Variants in FAM20A observed in about 807,000 individuals in gnomAD.
FAM20A encodes the protein pseudokinase FAM20A.
FAM20A carries 42 observed loss-of-function variants against 52.0 expected under a neutral mutation model. The observed-to-expected ratio is 0.81, with a 90% CI of 0.63 to 1.04. The LOEUF is 1.04. Ranked by LOEUF, FAM20A falls within the 50% of genes least tolerant of loss-of-function variation. The pLI, the probability that FAM20A is intolerant of heterozygous loss-of-function variation, is 0.00. For missense variants in FAM20A, 742 were observed against 712.7 expected (o/e 1.04, Z -0.47); for synonymous variants, 304 against 298.9 (o/e 1.02, Z -0.18).
intron 1 of FAM20A, among the ~76,000 whole-genome samples, chr17:68,580,999 T>C (rs567276218): frequency 6.6e-6 from 1 of 152,216 alleles, no homozygotes; most frequent in Admixed American, 6.5e-5. Flanking sequence ...TAATGATTTT[T>C]CCCCCTGATT....
In FAM20A at chr17:68,540,829, GC is replaced by G; in HGVS notation, c.1219+19del. The stretch of plus-strand genomic sequence containing the variant: ...ATAGCAGAGCCCACTTCTGCTGGGG[GC>G]CTGCGTGTGGGGACCTACCTATCAA... On this transcript the variant is annotated intron_variant, in intron 8 of 10. Coordinates refer to ENST00000592554, the MANE Select transcript of FAM20A (RefSeq NM_017565.4). 3 of 1,579,502 alleles carry G rather than the reference GC, an allele frequency of 1.9e-6. No homozygotes were observed. Among genetic ancestry groups the G allele is most frequent in the Non-Finnish European group, 2.6e-6 (3 of 1,161,124 alleles).
intron 1 of FAM20A, among the ~76,000 whole-genome samples, chr17:68,559,267 CTAAG>C (rs1379864144): frequency 6.6e-6 from 1 of 152,158 alleles, no homozygotes; most frequent in Admixed American, 6.6e-5. Context: ...AAAAATAACC[CTAAG>C]TAATATTTTT....
intron 9 of FAM20A, 127 bp downstream of exon 9, chr17:68,539,758 C>G: frequency 1.2e-6 from 1 of 855,826 alleles, no homozygotes; most frequent in Middle Eastern, 2.4e-4. Flanking sequence ...AAGCCGGGCT[C>G]GAAGGAGACA....
At chr17:68,547,087 C>T (rs571009447) in intron 4 of FAM20A, among the ~76,000 whole-genome samples, 2 of 151,850 alleles carry the variant, frequency 1.3e-5, no homozygotes, top group South Asian at 4.2e-4. Flanking sequence ...ATGCTGTTAA[C>T]AGATGTGTGG....
Position 68,568,007 on chromosome 17 carries a change from C to T in FAM20A, c.405-12264G>A, listed in dbSNP as rs541548023. On this transcript the variant is annotated intron_variant, in intron 1 of 10. Coordinates refer to ENST00000592554, the MANE Select transcript of FAM20A (RefSeq NM_017565.4). The stretch of plus-strand genomic sequence containing the variant: ...AGTCAGTTAAACCTCTTTTCTTCTA[C>T]ATTACTCAGCCTTGGGTATTTCTTT... 3.9e-5 allele frequency among the ~76,000 whole-genome samples: 6 copies of T among 152,040 alleles called. No homozygotes were observed. In the East Asian group the frequency reaches 1.2e-3, roughly 29 times the overall value.
chr17:68,540,055 G>C, intron 8 of FAM20A, 89 bp from the exon 9 acceptor site: 1 of 1,124,372 alleles, frequency 8.9e-7, no homozygotes, highest in Non-Finnish European at 1.3e-6. Context: ...ACGGAGGCCT[G>C]TCATCACTTG....
chr17:68,545,564 A>G (rs1397109603), intron 4 of FAM20A, among the ~76,000 whole-genome samples: 4 of 152,204 alleles, frequency 2.6e-5, no homozygotes, highest in Non-Finnish European at 4.4e-5. Context: ...CTTTTTGCTG[A>G]CTGACTGGGG....
intron 1 of FAM20A, among the ~76,000 whole-genome samples, chr17:68,596,154 T>C (rs2088446032): frequency 6.6e-6 from 1 of 151,448 alleles, no homozygotes; most frequent in African/African-American, 2.4e-5. Flanking sequence ...GTGACAGCAA[T>C]AGGTAGGAGG....
At chr17:68,580,527 C>A (rs868086298) in intron 1 of FAM20A, among the ~76,000 whole-genome samples, 7 of 152,228 alleles carry the variant, frequency 4.6e-5, no homozygotes, top group African/African-American at 1.2e-4. Flanking sequence ...AGAACCACAG[C>A]CCTGGCTCAG....
At chr17:68,593,218 A>C (rs934833178) in intron 1 of FAM20A, among the ~76,000 whole-genome samples, 2 of 152,246 alleles carry the variant, frequency 1.3e-5, no homozygotes, top group Non-Finnish European at 2.9e-5. Flanking sequence ...TTTTGGCCAT[A>C]TGCAAGCCTA....
At chr17:68,568,782 A>T (rs2087454621) in intron 1 of FAM20A, among the ~76,000 whole-genome samples, 1 of 147,328 alleles carries the variant, frequency 6.8e-6, no homozygotes, top group Non-Finnish European at 1.5e-5. Context: ...TGAGATACCC[A>T]GATAATCCAG....
chr17:68,569,922 G>A (rs8082354), intron 1 of FAM20A, among the ~76,000 whole-genome samples: 26,930 of 152,054 alleles, frequency 0.18, 2,520 homozygotes, highest in East Asian at 0.34. Flanking sequence ...TCTGTGTTGC[G>A]TTGCACAGTG....
At chr17:68,585,941 ATT>A (rs1308389132) in intron 1 of FAM20A, among the ~76,000 whole-genome samples, 1 of 152,200 alleles carries the variant, frequency 6.6e-6, no homozygotes, top group Non-Finnish European at 1.5e-5. Context: ...CAAGGAAGGT[ATT>A]CATCTGCCTA....
intron 1 of FAM20A, among the ~76,000 whole-genome samples, chr17:68,578,212 T>C (rs1021621281): frequency 2.0e-5 from 3 of 152,202 alleles, no homozygotes; most frequent in African/African-American, 4.8e-5. Context: ...ATATTTATTT[T>C]CAAAAGTGTC....
At chr17:68,544,251 C>CT (rs1460580597) in intron 4 of FAM20A, among the ~76,000 whole-genome samples, 2 of 151,804 alleles carry the variant, frequency 1.3e-5, no homozygotes, top group African/African-American at 2.4e-5. Flanking sequence ...ACCATCATCC[C>CT]CTCAGAGAAA....
rs1201179834 is a variant in FAM20A, at chr17:68,536,288, T to A, written c.*1189A>T. 1 of 454,130 alleles carries A rather than the reference T, an allele frequency of 2.2e-6. No homozygotes were observed. The highest frequency in any genetic ancestry group is 2.3e-5 in the Admixed American group (1 of 42,576). The allele number at this position is 454,130 out of a possible 1,614,324, so 28.1% of individuals were successfully genotyped here. A position where few individuals can be genotyped will look rare whatever the true frequency, so the allele number is the denominator to read the frequency against. ...TCTGGCCTTTACTGGAAAAGTTGAT[T>A]TGATGAAATGAGGCATTTTTACTTT... On this transcript the variant is annotated 3_prime_UTR_variant, in exon 11 of 11. Transcript: ENST00000592554.
rs1042393926 is a variant in FAM20A at position 68,554,763 on chromosome 17, G to T, written c.640+14C>A. On this transcript the variant is annotated intron_variant, in intron 3 of 10. Transcript: ENST00000592554. ...GGTGAAGAGGCTGGGTGGGGGTGGGGCTAGGTCACTTACTCTGGGTGCAGT... is the reference window on the plus strand; with the variant it reads ...GGTGAAGAGGCTGGGTGGGGGTGGGTCTAGGTCACTTACTCTGGGTGCAGT... 3 of 1,569,982 alleles carry T rather than the reference G, an allele frequency of 1.9e-6. No individual in the cohort carries two copies. In the Admixed American group the frequency reaches 5.0e-5, roughly 26 times the overall value.
intron 7 of FAM20A, chr17:68,541,217 CG>C (rs779017745): frequency 4.2e-6 from 2 of 479,350 alleles, no homozygotes; most frequent in Non-Finnish European, 7.6e-6. Context: ...GGGGAGAGGC[CG>C]GGGCAGGCAG....
chr17:68,560,250 C>G (rs2087172384), intron 1 of FAM20A, among the ~76,000 whole-genome samples: 1 of 150,832 alleles, frequency 6.6e-6, no homozygotes, highest in South Asian at 2.1e-4. Flanking sequence ...AAGGCTGAGG[C>G]AGGAGAATCG....
Sources: allele counts gnomAD v4.1 joint callset (sites outside exome capture counted in the v4.1 genomes callset), GRCh38; gene constraint gnomAD v4.1.1; transcripts MANE v1.5; gene names NCBI Gene and HGNC (gene_info 2026-07-23, HGNC 2026-07-21).